Variants in HS3ST5 observed in about 807,000 individuals in gnomAD.
HS3ST5 encodes heparan sulfate-glucosamine 3-sulfotransferase 5, also known as heparan sulfate glucosamine 3-O-sulfotransferase 5.
A neutral mutation model predicts 25.4 loss-of-function variants in HS3ST5; 10 were observed. The ratio of observed to expected loss-of-function variants is 0.39; its 90% CI spans 0.24 to 0.67. The LOEUF is 0.67. Among genes scored for constraint, HS3ST5 ranks in the 30% least tolerant of loss-of-function variants. HS3ST5 has a pLI of 0.44. For synonymous variants in HS3ST5, 170 were observed against 162.4 expected (o/e 1.05, Z -0.36); for missense variants, 324 against 420.7 (o/e 0.77, Z 2.01).
At chr6:114,297,469 C>T (rs1321598640) in intron 1 of HS3ST5, among the ~76,000 whole-genome samples, 1 of 152,136 alleles carries the variant, frequency 6.6e-6, no homozygotes, top group Non-Finnish European at 1.5e-5. Context: ...TGCAAAGGAG[C>T]AAAGGGAAAG....
At chr6:114,067,363 A>AT (rs1199149861) in intron 3 of HS3ST5, among the ~76,000 whole-genome samples, 13 of 152,242 alleles carry the variant, frequency 8.5e-5, no homozygotes, top group Admixed American at 2.6e-4. Context: ...AAACTGTTTA[A>AT]GTTTAGCAGA....
rs528713962 is a variant in HS3ST5 at position 114,143,528 on chromosome 6, C to G, written c.-33+24823G>C. On this transcript the variant is annotated intron_variant, in intron 3 of 4. Coordinates refer to ENST00000312719, the MANE Select transcript of HS3ST5 (RefSeq NM_153612.4). ...TTTGGGGTGTGAAAGTTGTAAGATT[C>G]AAAATAGAGTCACTTGTGTCAAACC... 4.6e-5 allele frequency: 7 copies of G among 152,176 alleles called. No individual in the cohort carries two copies. The East Asian group carries it at 1.4e-3, about 29-fold the overall frequency. 9.4% of individuals were successfully genotyped at this position (152,176 alleles called of 1,614,324 possible).
chr6:114,207,300 A>T (rs1249596893), intron 2 of HS3ST5, among the ~76,000 whole-genome samples: 2 of 152,158 alleles, frequency 1.3e-5, no homozygotes, highest in South Asian at 2.1e-4. Context: ...AAAAATGTTG[A>T]AAAGAAAAGG....
At chr6:114,094,362 T>A (rs1175003084) in intron 3 of HS3ST5, among the ~76,000 whole-genome samples, 1 of 152,250 alleles carries the variant, frequency 6.6e-6, no homozygotes, top group Non-Finnish European at 1.5e-5. Flanking sequence ...TCCAATGTTA[T>A]AGTGTTATTT....
intron 2 of HS3ST5, among the ~76,000 whole-genome samples, chr6:114,179,380 T>A (rs756553021): frequency 6.6e-6 from 1 of 152,204 alleles, no homozygotes; most frequent in Non-Finnish European, 1.5e-5. Flanking sequence ...AATCATTTAA[T>A]ATTTAATCAT....
intron 3 of HS3ST5, among the ~76,000 whole-genome samples, chr6:114,127,421 T>C (rs1323807408): frequency 6.6e-6 from 1 of 152,090 alleles, no homozygotes; most frequent in Non-Finnish European, 1.5e-5. Flanking sequence ...TCATGGAACA[T>C]GCCTCAAGAG....
At chr6:114,118,121 T>G (rs1776618914) in intron 3 of HS3ST5, among the ~76,000 whole-genome samples, 1 of 152,202 alleles carries the variant, frequency 6.6e-6, no homozygotes, top group Admixed American at 6.5e-5. Flanking sequence ...GGAGAACTCC[T>G]TTATTTCTCC....
intron 3 of HS3ST5, among the ~76,000 whole-genome samples, chr6:114,071,655 T>C (rs1276949926): frequency 6.6e-6 from 1 of 152,204 alleles, no homozygotes; most frequent in Non-Finnish European, 1.5e-5. Context: ...TATCCTAAGA[T>C]TATGGCATCT....
At chr6:114,124,254 TC>T (rs1272949065) in intron 3 of HS3ST5, among the ~76,000 whole-genome samples, 1 of 152,030 alleles carries the variant, frequency 6.6e-6, no homozygotes, top group Non-Finnish European at 1.5e-5. Flanking sequence ...CCCCATACAA[TC>T]CCAGCTCCTG....
chr6:114,100,341 A>C (rs1439993024), intron 3 of HS3ST5, among the ~76,000 whole-genome samples: 1 of 152,160 alleles, frequency 6.6e-6, no homozygotes, highest in Non-Finnish European at 1.5e-5. Flanking sequence ...GAAAAATTTG[A>C]TGTCTGGACA....
rs367784381 is a variant in HS3ST5 at position 114,055,822 on chromosome 6, C to G, written c.*1435G>C. On this transcript the variant is annotated 3_prime_UTR_variant, in exon 5 of 5. Coordinates refer to ENST00000312719, the MANE Select transcript of HS3ST5 (RefSeq NM_153612.4). ...AAAAAAAAATCCATCTTTTTGTTGTCGTTGTTAATACCCCTTTCCACATTT... is the reference window on the plus strand; with the variant it reads ...AAAAAAAAATCCATCTTTTTGTTGTGGTTGTTAATACCCCTTTCCACATTT... 6.6e-6 allele frequency: 1 copy of G among 152,066 alleles called. No homozygotes were observed. Among genetic ancestry groups the G allele is most frequent in the Non-Finnish European group, 1.5e-5 (1 of 68,016 alleles). The allele number at this position is 152,066 out of a possible 1,614,324, so 9.4% of individuals were successfully genotyped here. A position where few individuals can be genotyped will look rare whatever the true frequency, so the allele number is the denominator to read the frequency against.
At chr6:114,234,854 A>G (rs1771780194) in intron 1 of HS3ST5, among the ~76,000 whole-genome samples, 1 of 152,166 alleles carries the variant, frequency 6.6e-6, no homozygotes, top group African/African-American at 2.4e-5. Flanking sequence ...TTCTTTTAAA[A>G]TTCTTTTTCT....
intron 3 of HS3ST5, among the ~76,000 whole-genome samples, chr6:114,135,939 T>C (rs1379492936): frequency 6.6e-6 from 1 of 152,206 alleles, no homozygotes; most frequent in African/African-American, 2.4e-5. Context: ...TCACTCATGG[T>C]CATTTCAACA....
chr6:114,098,121 C>T (rs571465315), intron 3 of HS3ST5, among the ~76,000 whole-genome samples: 25 of 151,956 alleles, frequency 1.6e-4, no homozygotes, highest in African/African-American at 5.3e-4. Flanking sequence ...TTTTACTAAG[C>T]GAGTGAAGAA....
intron 3 of HS3ST5, among the ~76,000 whole-genome samples, chr6:114,109,611 A>G (rs1776165325): frequency 6.6e-6 from 1 of 152,094 alleles, no homozygotes; most frequent in Non-Finnish European, 1.5e-5. Flanking sequence ...CTTCCTGGGT[A>G]ATGGATATCC....
intron 1 of HS3ST5, among the ~76,000 whole-genome samples, chr6:114,279,159 C>T (rs976422892): frequency 1.3e-5 from 2 of 151,886 alleles, no homozygotes; most frequent in African/African-American, 4.8e-5. Flanking sequence ...TAAAAAAAAT[C>T]AGCATCTATG....
At chr6:114,133,002 C>A (rs1168290817) in intron 3 of HS3ST5, among the ~76,000 whole-genome samples, 2 of 152,216 alleles carry the variant, frequency 1.3e-5, no homozygotes, top group African/African-American at 4.8e-5. Context: ...CCTCTGATTT[C>A]ATCTTTCCCC....
chr6:114,338,940 C>T (rs1776717596), intron 1 of HS3ST5, among the ~76,000 whole-genome samples: 1 of 151,938 alleles, frequency 6.6e-6, no homozygotes. Flanking sequence ...GCTCCCCTCA[C>T]CAAAAAATGG....
intron 3 of HS3ST5, among the ~76,000 whole-genome samples, chr6:114,164,089 G>C (rs560963825): frequency 6.6e-5 from 10 of 152,126 alleles, no homozygotes; most frequent in African/African-American, 2.2e-4. Flanking sequence ...CAGACATCCT[G>C]TTATATGTCA....
Sources: gnomAD v4.1 joint callset for allele counts (sites outside exome capture counted in the v4.1 genomes callset) on GRCh38, gnomAD v4.1.1 for gene constraint, MANE v1.5 for transcripts, NCBI Gene and HGNC (gene_info 2026-07-23, HGNC 2026-07-21) for gene names.